CSMD3: variants seen among roughly 807,000 people sequenced by gnomAD.
CSMD3 encodes CUB and Sushi multiple domains 3, also known as CUB and sushi domain-containing protein 3.
A neutral mutation model predicts 435.2 loss-of-function variants in CSMD3; 177 were observed. The observed-to-expected ratio is 0.41, with a 90% CI of 0.36 to 0.46. The LOEUF (loss-of-function observed/expected upper bound fraction) is 0.46. Among genes scored for constraint, CSMD3 ranks in the 20% least tolerant of loss-of-function variants. CSMD3 has a pLI of 0.34. For synonymous variants in CSMD3, 1,656 were observed against 1,520.5 expected, an observed-to-expected ratio of 1.09 and a Z score of -2.07; for missense variants, 4,265 against 4,504.6, an observed-to-expected ratio of 0.95 and a Z score of 1.52.
At chr8:112,353,813 T>A (rs1740191896) in intron 38 of CSMD3, among the ~76,000 whole-genome samples, 1 of 152,030 alleles carries the variant, frequency 6.6e-6, no homozygotes, top group South Asian at 2.1e-4. Context: ...CTTACAAAAA[T>A]TCAATGAGAA....
intron 11 of CSMD3, among the ~76,000 whole-genome samples, chr8:112,844,217 G>C (rs922717522): frequency 6.6e-6 from 1 of 151,862 alleles, no homozygotes; most frequent in African/African-American, 2.4e-5. Context: ...ATCAGTAACA[G>C]TAATAAAATC....
chr8:112,990,972 T>A (rs955122690), intron 6 of CSMD3, among the ~76,000 whole-genome samples: 1 of 151,654 alleles, frequency 6.6e-6, no homozygotes, highest in African/African-American at 2.4e-5. Flanking sequence ...AAAGTAAAAT[T>A]TTTGTTGTTC....
At chr8:113,294,627 A>G (rs2093706664) in intron 2 of CSMD3, among the ~76,000 whole-genome samples, 1 of 152,158 alleles carries the variant, frequency 6.6e-6, no homozygotes, top group Admixed American at 6.6e-5. Context: ...TGATAATTAG[A>G]AAATCACCTT....
At chr8:112,873,176 G>A (rs1025728103) in intron 10 of CSMD3, among the ~76,000 whole-genome samples, 8 of 151,906 alleles carry the variant, frequency 5.3e-5, no homozygotes, top group Admixed American at 4.6e-4. Context: ...TATGTTGAAT[G>A]GACATAATCC....
At chr8:112,227,505 T>C (rs1001581355) in intron 70 of CSMD3, among the ~76,000 whole-genome samples, 1 of 152,196 alleles carries the variant, frequency 6.6e-6, no homozygotes, top group African/African-American at 2.4e-5. Context: ...GCACTCTGAA[T>C]GTACTAAATG....
intron 68 of CSMD3, among the ~76,000 whole-genome samples, chr8:112,234,049 G>T (rs756859733): frequency 2.6e-5 from 4 of 151,378 alleles, no homozygotes; most frequent in Non-Finnish European, 5.9e-5. Flanking sequence ...GAATATATTT[G>T]ATGAAATCAG....
Position 112,645,189 on chromosome 8 carries a change from G to T in CSMD3, c.3230C>A (p.Thr1077Lys), listed in dbSNP as rs763321608. Residue 1077 changes from threonine to lysine, a missense_variant, in exon 20 of 71, where the codon ACA becomes AAA. By Grantham distance (78) the Thr-to-Lys change is moderately conservative (BLOSUM62 -1). Coordinates refer to ENST00000297405, the MANE Select transcript of CSMD3 (RefSeq NM_198123.2). ...TTCCGGGTAACCAGGTGATAAGATTGTTCCACTAGGCCCTCTAACATCTCC... is the reference window on the plus strand; with the variant it reads ...TTCCGGGTAACCAGGTGATAAGATTTTTCCACTAGGCCCTCTAACATCTCC... ...CGGDVRGPSGTILSPGYPEFY... is the reference protein window; with the variant it reads ...CGGDVRGPSGKILSPGYPEFY... 5 of 1,603,794 alleles carry T rather than the reference G, an allele frequency of 3.1e-6. No individual in the cohort carries two copies. Among genetic ancestry groups the T allele is most frequent in the South Asian group, 1.1e-5 (1 of 90,874 alleles).
intron 1 of CSMD3, among the ~76,000 whole-genome samples, chr8:113,367,409 A>G (rs2094319398): frequency 1.3e-5 from 2 of 152,050 alleles, no homozygotes; most frequent in South Asian, 2.1e-4. Context: ...TTAAGTATTT[A>G]TAAGTTATAA....
chr8:112,917,208 T>C (rs2082599626), intron 10 of CSMD3, among the ~76,000 whole-genome samples: 1 of 151,996 alleles, frequency 6.6e-6, no homozygotes, highest in African/African-American at 2.4e-5. Context: ...TTTGTTCTTT[T>C]TGAGGTGGCT....
At chr8:112,538,812 C>T (rs1434987346) in intron 27 of CSMD3, 3 of 151,858 alleles carry the variant, frequency 2.0e-5, no homozygotes, top group African/African-American at 7.3e-5. Context: ...TCCAAAGTAC[C>T]AATGCCATTT....
At chr8:112,999,068 A>T (rs542225508) in intron 6 of CSMD3, among the ~76,000 whole-genome samples, 8 of 152,130 alleles carry the variant, frequency 5.3e-5, no homozygotes, top group Non-Finnish European at 1.0e-4. Flanking sequence ...TACTGATTTG[A>T]CAAAATATTT....
chr8:112,846,873 T>C (rs1343296937), intron 11 of CSMD3, among the ~76,000 whole-genome samples: 3 of 152,102 alleles, frequency 2.0e-5, no homozygotes, highest in African/African-American at 7.2e-5. Context: ...GGTACTGCTA[T>C]ACAGATATGG....
intron 1 of CSMD3, among the ~76,000 whole-genome samples, chr8:113,324,827 G>T (rs2093972804): frequency 6.6e-6 from 1 of 152,186 alleles, no homozygotes; most frequent in African/African-American, 2.4e-5. Flanking sequence ...GAGGTAGGTT[G>T]TACCCTGCAA....
In CSMD3 at chr8:112,614,784, G is replaced by A. The variant is rs181484154; in HGVS notation, c.3715+22033C>T. ...TGTTCTATTCTCCTCTCAGGGATCCGTTATCAGGATTGGAATTTGAATATT... is the reference window on the plus strand; with the variant it reads ...TGTTCTATTCTCCTCTCAGGGATCCATTATCAGGATTGGAATTTGAATATT... On this transcript the variant is annotated intron_variant, in intron 22 of 70. Coordinates refer to ENST00000297405, the MANE Select transcript of CSMD3 (RefSeq NM_198123.2). 1.5e-3 allele frequency among the ~76,000 whole-genome samples: 222 copies of A among 152,008 alleles called. 3 individuals are homozygous for A. The highest frequency in any genetic ancestry group is 5.2e-3 in the African/African-American group (214 of 41,490).
At chr8:112,716,480 T>C (rs2076731627) in intron 13 of CSMD3, among the ~76,000 whole-genome samples, 1 of 152,102 alleles carries the variant, frequency 6.6e-6, no homozygotes. Context: ...ATCAATAGTG[T>C]GAAAATAGCC....
At chr8:113,285,544 C>T (rs543647467) in intron 2 of CSMD3, among the ~76,000 whole-genome samples, 1 of 152,088 alleles carries the variant, frequency 6.6e-6, no homozygotes, top group African/African-American at 2.4e-5. Flanking sequence ...CAGGCGTGAG[C>T]CACCCCGCCC....
At chr8:113,038,267 GAC>G (rs1261626620) in intron 5 of CSMD3, among the ~76,000 whole-genome samples, 5 of 152,130 alleles carry the variant, frequency 3.3e-5, no homozygotes, top group African/African-American at 1.2e-4. Context: ...TTTACAGTTA[GAC>G]ACAGTCATAA....
intron 4 of CSMD3, among the ~76,000 whole-genome samples, chr8:113,134,698 C>T (rs1261041487): frequency 6.6e-6 from 1 of 151,968 alleles, no homozygotes; most frequent in Non-Finnish European, 1.5e-5. Flanking sequence ...TTTATATTTA[C>T]ATATGTATAT....
Position 112,408,907 on chromosome 8 carries a change from A to G in CSMD3, c.5509+12T>C. ...TCAGTAACTGATGCATGGCAGTTCT[A>G]TTAAAGGATACCTGAATGGGATCCT... On this transcript the variant is annotated intron_variant, in intron 33 of 70. Coordinates refer to ENST00000297405, the MANE Select transcript of CSMD3 (RefSeq NM_198123.2). 2 of 1,613,392 alleles carry G rather than the reference A, an allele frequency of 1.2e-6. No homozygotes were observed. Among genetic ancestry groups the G allele is most frequent in the Non-Finnish European group, 1.7e-6 (2 of 1,179,500 alleles).
Sources: allele counts gnomAD v4.1 joint callset (sites outside exome capture counted in the v4.1 genomes callset), GRCh38; gene constraint gnomAD v4.1.1; transcripts MANE v1.5; gene names NCBI Gene and HGNC (gene_info 2026-07-23, HGNC 2026-07-21).